The following ACACA variants were observed in gnomAD, a reference collection of about 807,000 sequenced individuals.
The protein encoded by ACACA is acetyl-CoA carboxylase 1.
Under a neutral mutation model 296.1 loss-of-function variants are expected in ACACA, and 103 were observed. The observed-to-expected ratio is 0.35, with a 90% CI of 0.30 to 0.41. The LOEUF (loss-of-function observed/expected upper bound fraction) is 0.41, where lower values mean the gene tolerates loss of function less well. ACACA is among the 10% of genes least tolerant of loss of function. ACACA has a pLI of 1.00. For missense variants in ACACA, 1,554 were observed against 2,989.7 expected, an observed-to-expected ratio of 0.52 and a Z score of 11.20; for synonymous variants, 953 against 1,038.6, an observed-to-expected ratio of 0.92 and a Z score of 1.58.
intron 29 of ACACA, among the ~76,000 whole-genome samples, chr17:37,219,512 A>G (rs753195303): frequency 9.2e-5 from 14 of 152,028 alleles, no homozygotes; most frequent in Admixed American, 2.0e-4. Flanking sequence ...AGTAGGGACA[A>G]TTTGGTGGTG....
At chr17:37,201,824 A>T (rs923681324) in intron 33 of ACACA, among the ~76,000 whole-genome samples, 2 of 152,184 alleles carry the variant, frequency 1.3e-5, no homozygotes, top group African/African-American at 4.8e-5. Flanking sequence ...TAAAATTTAA[A>T]TTGTCTTCCC....
intron 50 of ACACA, among the ~76,000 whole-genome samples, chr17:37,120,998 T>C (rs12603373): frequency 6.6e-6 from 1 of 152,226 alleles, no homozygotes; most frequent in South Asian, 2.1e-4. Context: ...TTGGTCACTG[T>C]AGAACATTAG....
In ACACA at chr17:37,283,403, A is replaced by G; in HGVS notation, c.474T>C (p.Val158=). 6.2e-7 allele frequency: 1 copy of G among 1,614,144 alleles called. No individual in the cohort carries two copies. The highest frequency in any genetic ancestry group is 1.1e-5 in the South Asian group (1 of 91,080). ...CTGCAATGCCATTGTTAGCAATAAGAACCTGGGAGGGGGAAGGAGATGGGA... is the reference window on the plus strand; with the variant it reads ...CTGCAATGCCATTGTTAGCAATAAGGACCTGGGAGGGGGAAGGAGATGGGA... ...RFGGNKVIEK[V]LIANNGIAAV... Residue 158 remains valine (V), a splice_region_variant and synonymous_variant, in exon 5 of 56, where the codon GTT becomes GTC. Coordinates refer to ENST00000616317, the MANE Select transcript of ACACA (RefSeq NM_198834.3).
At chr17:37,179,191 C>A in intron 41 of ACACA, 69 bp downstream of exon 41, 1 of 1,595,944 alleles carries the variant, frequency 6.3e-7, no homozygotes, top group East Asian at 2.2e-5. Flanking sequence ...TATTTAATGA[C>A]CACCTCACAG....
chr17:37,277,214 G>A (rs2082319531), intron 6 of ACACA, 100 bp from the exon 7 acceptor site: 1 of 1,020,868 alleles, frequency 9.8e-7, no homozygotes, highest in African/African-American at 1.6e-5. Flanking sequence ...TTGAGGTACA[G>A]TAGTTCCACA....
rs1379051495 is a variant in ACACA, at chr17:37,207,829, G to C, written c.3708-29C>G. ...AATGGTAATTCAATCACGTTCATTA[G>C]ACAAGGAGGGTAGGAGCAAGGACTG... is the stretch of plus-strand genomic sequence containing the variant. On this transcript the variant is annotated intron_variant, in intron 30 of 55. Transcript: ENST00000616317. The C allele has an allele frequency of 1.9e-6, 3 of 1,612,048 alleles. No homozygotes were observed. The African/African-American group carries it at 4.0e-5, about 22-fold the overall frequency.
Position 37,113,012 on chromosome 17 carries a change from G to A in ACACA, c.6452+76C>T. On this transcript the variant is annotated intron_variant, in intron 51 of 55. Transcript: ENST00000616317. The surrounding 1 kb of genome is among the most constrained non-coding windows in gnomAD (Gnocchi z 4.0). The stretch of plus-strand genomic sequence containing the variant: ...ATGTGGGTGCTGTAGTGCCATGGCT[G>A]TAACATTCTCCAGGAGGAAACCAAC... The A allele has an allele frequency of 1.3e-6, 2 of 1,570,382 alleles. No individual in the cohort carries two copies. The highest frequency in any genetic ancestry group is 1.7e-6 in the Non-Finnish European group (2 of 1,145,286).
intron 41 of ACACA, among the ~76,000 whole-genome samples, chr17:37,167,841 T>C (rs912719113): frequency 2.0e-5 from 3 of 152,172 alleles, no homozygotes; most frequent in Non-Finnish European, 2.9e-5. Context: ...AACTCTCTAA[T>C]ATGATCTTTG....
chr17:37,381,911 G>C (rs556649805), intron 1 of ACACA, among the ~76,000 whole-genome samples: 1 of 152,164 alleles, frequency 6.6e-6, no homozygotes, highest in African/African-American at 2.4e-5. Context: ...ACAGGCGTGA[G>C]CCACTGCACC....
intron 1 of ACACA, among the ~76,000 whole-genome samples, chr17:37,340,903 A>G (rs2048348705): frequency 6.6e-6 from 1 of 152,128 alleles, no homozygotes. Flanking sequence ...CTGTAAAAAT[A>G]AAAAAGAAAG....
intron 32 of ACACA, 131 bp from the exon 33 acceptor site, chr17:37,206,003 T>C (rs1245341372): frequency 1.3e-6 from 1 of 756,184 alleles, no homozygotes; most frequent in African/African-American, 1.7e-5. Context: ...TGCCCAGCAG[T>C]AGGAATGAGC....
rs544477634 is a variant in ACACA, at chr17:37,311,469, GAGA to G, written c.338+18701_338+18703del. Among the ~76,000 whole-genome samples, 8 of 151,956 alleles carry G rather than the reference GAGA, an allele frequency of 5.3e-5. No homozygotes were observed. In the South Asian group the frequency reaches 1.0e-3, roughly 20 times the overall value. ...ACATACATATGCATGAAGAAAAAATGAGAAGGAGAATACAGATAAAAGTAAGTT... is the reference window on the plus strand; with the variant it reads ...ACATACATATGCATGAAGAAAAAATGAGGAGAATACAGATAAAAGTAAGTT... On this transcript the variant is annotated intron_variant, in intron 3 of 55. Coordinates refer to ENST00000616317, the MANE Select transcript of ACACA (RefSeq NM_198834.3).
chr17:37,103,337 T>A (rs1225424300), intron 52 of ACACA, among the ~76,000 whole-genome samples: 1 of 152,246 alleles, frequency 6.6e-6, no homozygotes. Flanking sequence ...CTATCATTGA[T>A]CGTTTGTCAG....
intron 1 of ACACA, among the ~76,000 whole-genome samples, chr17:37,356,429 A>C (rs909764199): frequency 1.3e-5 from 2 of 151,950 alleles, no homozygotes; most frequent in African/African-American, 4.8e-5. Context: ...CCCAGGCTGG[A>C]GTACAGTGGC....
chr17:37,174,003 TA>T lies in ACACA; in HGVS notation c.5079+5256del, dbSNP rs2076996758. Among the ~76,000 whole-genome samples, 61 of 13,210 alleles carry T rather than the reference TA, an allele frequency of 4.6e-3. 7 individuals are homozygous for T. The highest frequency in any genetic ancestry group is 0.019 in the African/African-American group (39 of 2,064). The allele number at this position is 13,210 out of a possible 152,430, so 8.7% of individuals were successfully genotyped here. A position where few individuals can be genotyped will look rare whatever the true frequency, so the allele number is the denominator to read the frequency against. Reference sequence around the variant, plus strand: ...TAATTTATATATATATATATATATATATATATATATATATATATTTTTTTTT... The same window carrying T: ...TAATTTATATATATATATATATATATTATATATATATATATATTTTTTTTT... On this transcript the variant is annotated intron_variant, in intron 41 of 55. Transcript: ENST00000616317.
chr17:37,190,066 G>A (rs1205317561), intron 38 of ACACA, among the ~76,000 whole-genome samples: 2 of 151,116 alleles, frequency 1.3e-5, no homozygotes, highest in Non-Finnish European at 2.9e-5. Flanking sequence ...AAAAATTCAT[G>A]CCTACAGCTG....
At chr17:37,335,849 G>A (rs1490446377) in intron 2 of ACACA, among the ~76,000 whole-genome samples, 2 of 152,244 alleles carry the variant, frequency 1.3e-5, no homozygotes, top group South Asian at 2.1e-4. Context: ...GCGGAAAGCG[G>A]GGGAACCTTT....
At chr17:37,341,008 T>C (rs1192047983) in intron 1 of ACACA, among the ~76,000 whole-genome samples, 1 of 152,130 alleles carries the variant, frequency 6.6e-6, no homozygotes, top group Admixed American at 6.6e-5. Context: ...TGCAATGTGC[T>C]ATGACCACAC....
intron 35 of ACACA, among the ~76,000 whole-genome samples, chr17:37,197,504 G>T (rs1398614317): frequency 6.6e-6 from 1 of 152,096 alleles, no homozygotes; most frequent in African/African-American, 2.4e-5. Flanking sequence ...GAGATCAAGG[G>T]ATTCATCTCT....
Sources: allele counts gnomAD v4.1 joint callset (sites outside exome capture counted in the v4.1 genomes callset), GRCh38; gene constraint gnomAD v4.1.1; non-coding constraint Gnocchi (gnomAD v3.1); transcripts MANE v1.5; gene names NCBI Gene and HGNC (gene_info 2026-07-23, HGNC 2026-07-21).